SRPK2: variants seen among roughly 807,000 people sequenced by gnomAD.
SRPK2 encodes the protein SRSF protein kinase 2, also known as SFRS protein kinase 2.
SRPK2 carries 21 observed loss-of-function variants against 90.8 expected under a neutral mutation model. The observed-to-expected ratio is 0.23, with a 90% CI of 0.16 to 0.33. The LOEUF (loss-of-function observed/expected upper bound fraction) is 0.33. SRPK2 is among the 10% of genes least tolerant of loss of function. The pLI is 1.00. For synonymous variants in SRPK2, 288 were observed against 311.1 expected, an observed-to-expected ratio of 0.93 and a Z score of 0.78; for missense variants, 620 against 869.0, an observed-to-expected ratio of 0.71 and a Z score of 3.60.
At chr7:105,205,569 A>G (rs547120648) in intron 2 of SRPK2, among the ~76,000 whole-genome samples, 7 of 141,610 alleles carry the variant, frequency 4.9e-5, no homozygotes, top group Admixed American at 1.4e-4. Context: ...ACACACACAC[A>G]CCACTTCCAG....
chr7:105,347,244 T>G (rs943748458), intron 2 of SRPK2, among the ~76,000 whole-genome samples: 20 of 151,966 alleles, frequency 1.3e-4, no homozygotes, highest in African/African-American at 4.8e-4. Context: ...TTTAATTTAG[T>G]AGAGACAGGG....
intron 2 of SRPK2, among the ~76,000 whole-genome samples, chr7:105,371,930 C>G (rs908376799): frequency 1.3e-5 from 2 of 151,900 alleles, no homozygotes; most frequent in South Asian, 2.1e-4. Flanking sequence ...GTCAGGAGAT[C>G]GAGACCATTC....
chr7:105,179,271 GTGTCAGCACT>G (rs1232080475), intron 3 of SRPK2, among the ~76,000 whole-genome samples: 1 of 152,156 alleles, frequency 6.6e-6, no homozygotes, highest in Non-Finnish European at 1.5e-5. Flanking sequence ...TACTTAACCT[GTGTCAGCACT>G]TGCCCCAGCT....
At chr7:105,387,788 G>A (rs1821793962) in intron 2 of SRPK2, among the ~76,000 whole-genome samples, 1 of 152,194 alleles carries the variant, frequency 6.6e-6, no homozygotes, top group African/African-American at 2.4e-5. Context: ...AAAAAAATTA[G>A]GAGAGAGGAG....
At chr7:105,234,062 A>G (rs1424494306) in intron 2 of SRPK2, among the ~76,000 whole-genome samples, 10 of 152,018 alleles carry the variant, frequency 6.6e-5, no homozygotes, top group Admixed American at 6.5e-4. Flanking sequence ...GCCCAATTAA[A>G]TTTTTTTATG....
chr7:105,238,852 C>T lies in SRPK2; in HGVS notation c.72-35067G>A, dbSNP rs115797229. ...TCATTTATAACCCCACCACCTAGAC[C>T]GAAATACCCACGACCACTTTGGAGC... is the stretch of plus-strand genomic sequence containing the variant. On this transcript the variant is annotated intron_variant, in intron 2 of 15. Transcript: ENST00000393651. Among the ~76,000 whole-genome samples, 362 of 152,058 alleles carry T rather than the reference C, an allele frequency of 2.4e-3. 1 individual carries two copies. The highest frequency in any genetic ancestry group is 8.3e-3 in the African/African-American group (345 of 41,482).
chr7:105,218,394 C>G (rs1797713208), intron 2 of SRPK2, among the ~76,000 whole-genome samples: 1 of 152,106 alleles, frequency 6.6e-6, no homozygotes, highest in African/African-American at 2.4e-5. Flanking sequence ...AGGAATGTAG[C>G]CTGGGAGCAT....
At chr7:105,299,020 T>A (rs1267702348) in intron 2 of SRPK2, among the ~76,000 whole-genome samples, 1 of 152,082 alleles carries the variant, frequency 6.6e-6, no homozygotes, top group Non-Finnish European at 1.5e-5. Flanking sequence ...CCCTCCCCCA[T>A]CCATATGCAC....
At chr7:105,193,630 G>C (rs1331951954) in intron 3 of SRPK2, among the ~76,000 whole-genome samples, 1 of 152,114 alleles carries the variant, frequency 6.6e-6, no homozygotes. Context: ...CGGCAGTATG[G>C]TCATTTTCGC....
chr7:105,380,010 T>C (rs1037560647), intron 2 of SRPK2, among the ~76,000 whole-genome samples: 2 of 152,136 alleles, frequency 1.3e-5, no homozygotes, highest in Admixed American at 1.3e-4. Context: ...GGCATGGTGG[T>C]AGGCACCTGC....
intron 2 of SRPK2, among the ~76,000 whole-genome samples, chr7:105,280,146 T>G (rs1807068915): frequency 6.6e-6 from 1 of 152,198 alleles, no homozygotes; most frequent in Admixed American, 6.5e-5. Context: ...CTGAGCGCAG[T>G]GGCTCACGCC....
chr7:105,175,531 A>G (rs1791728590), intron 3 of SRPK2, among the ~76,000 whole-genome samples: 1 of 152,138 alleles, frequency 6.6e-6, no homozygotes, highest in Admixed American at 6.5e-5. Context: ...TGAACTATAA[A>G]TAAGTAAAAC....
At chr7:105,256,415 G>A (rs935926365) in intron 2 of SRPK2, among the ~76,000 whole-genome samples, 6 of 152,158 alleles carry the variant, frequency 3.9e-5, no homozygotes, top group Admixed American at 1.3e-4. Flanking sequence ...GAGTGCAATG[G>A]TGCGATCACA....
intron 2 of SRPK2, among the ~76,000 whole-genome samples, chr7:105,329,686 AT>A (rs1814046791): frequency 6.6e-6 from 1 of 152,004 alleles, no homozygotes; most frequent in South Asian, 2.1e-4. Context: ...CCAATTCAGC[AT>A]TTTTCCCCAT....
chr7:105,264,540 C>T (rs1040230712), intron 2 of SRPK2, among the ~76,000 whole-genome samples: 4 of 152,160 alleles, frequency 2.6e-5, no homozygotes, highest in Admixed American at 1.3e-4. Flanking sequence ...CTGAACAAGA[C>T]AGCTACAGTT....
At chr7:105,197,286 T>C (rs1795032342) in intron 3 of SRPK2, among the ~76,000 whole-genome samples, 1 of 152,204 alleles carries the variant, frequency 6.6e-6, no homozygotes. Flanking sequence ...TGTATACTTA[T>C]AATATTTTAT....
At chr7:105,207,641 A>G (rs1432445704) in intron 2 of SRPK2, among the ~76,000 whole-genome samples, 2 of 152,334 alleles carry the variant, frequency 1.3e-5, no homozygotes, top group East Asian at 3.8e-4. Flanking sequence ...CAAAATAAAT[A>G]AAGTTGGACC....
chr7:105,376,728 G>A (rs1820346545), intron 2 of SRPK2, among the ~76,000 whole-genome samples: 1 of 151,408 alleles, frequency 6.6e-6, no homozygotes, highest in South Asian at 2.1e-4. Flanking sequence ...AGTAGAGATG[G>A]GGTTTCGCCA....
At chr7:105,184,475 T>G (rs1793318311) in intron 3 of SRPK2, among the ~76,000 whole-genome samples, 1 of 152,198 alleles carries the variant, frequency 6.6e-6, no homozygotes, top group South Asian at 2.1e-4. Flanking sequence ...AGACGCTTAA[T>G]AGTATTCTAT....
Sources: gnomAD v4.1 joint callset for allele counts (sites outside exome capture counted in the v4.1 genomes callset) on GRCh38, gnomAD v4.1.1 for gene constraint, MANE v1.5 for transcripts, NCBI Gene and HGNC (gene_info 2026-07-23, HGNC 2026-07-21) for gene names.